The following SAMD4B variants were observed in gnomAD, a reference collection of about 807,000 sequenced individuals.
SAMD4B encodes the protein protein Smaug homolog 2.
SAMD4B carries 5 observed loss-of-function variants against 74.5 expected under a neutral mutation model. The ratio of observed to expected loss-of-function variants is 0.07; its 90% confidence interval spans 0.04 to 0.14. SAMD4B has a LOEUF of 0.14. SAMD4B is among the 10% of genes least tolerant of loss of function. The pLI is 1.00. For synonymous variants in SAMD4B, 373 were observed against 374.9 expected, an observed-to-expected ratio of 1.00 and a Z score of 0.06; for missense variants, 608 against 921.8, an observed-to-expected ratio of 0.66 and a Z score of 4.41.
Position 39,342,476 on chromosome 19 carries a change from C to A in SAMD4B, c.-367C>A, listed in dbSNP as rs2075357117. The stretch of plus-strand genomic sequence containing the variant: ...GCGGCGGCGGCGGCGGTGGTCGGTG[C>A]GGGAGGAGGGAGGGGAGCTTGCGGG... On this transcript the variant is annotated 5_prime_UTR_variant, in exon 1 of 14. Coordinates refer to ENST00000610417, the MANE Select transcript of SAMD4B (RefSeq NM_001384574.2). The A allele has an allele frequency of 5.6e-6, 1 of 179,494 alleles. No individual in the cohort carries two copies. Among genetic ancestry groups the A allele is most frequent in the Non-Finnish European group, 1.1e-5 (1 of 90,152 alleles). 11.1% of individuals were successfully genotyped at this position (179,494 alleles called of 1,614,324 possible).
At chr19:39,359,845 C>T (rs1282716376) in intron 3 of SAMD4B, 1 of 152,136 alleles carries the variant, frequency 6.6e-6, no homozygotes, top group Non-Finnish European at 1.5e-5. Flanking sequence ...GGATGAACTC[C>T]TCAGATTCTG....
intron 10 of SAMD4B, 126 bp from the exon 11 acceptor site, chr19:39,380,461 G>T: frequency 9.8e-7 from 1 of 1,024,250 alleles, no homozygotes; most frequent in South Asian, 1.3e-5. Context: ...GGCAGATGAG[G>T]ACAGAATGTG....
At chr19:39,366,174 G>T (rs1252810883) in intron 3 of SAMD4B, among the ~76,000 whole-genome samples, 2 of 152,128 alleles carry the variant, frequency 1.3e-5, no homozygotes, top group African/African-American at 4.8e-5. Context: ...AAATTAGCCG[G>T]GTGTCATGGT....
In SAMD4B at chr19:39,376,428, T is replaced by C. The variant is rs1387797500; in HGVS notation, c.908-9T>C. On this transcript the variant is annotated splice_polypyrimidine_tract_variant and intron_variant, in intron 5 of 13. Coordinates refer to ENST00000610417, the MANE Select transcript of SAMD4B (RefSeq NM_001384574.2). ...CTCCTGACCTTTCACTCTCCCTCCT[T>C]TGCCAAAGATGTGCCCTCATGGCTC... 2.5e-6 allele frequency: 4 copies of C among 1,607,116 alleles called. No homozygotes were observed. The African/African-American group carries it at 5.3e-5, about 21-fold the overall frequency.
Position 39,383,309 on chromosome 19 carries a change from C to T in SAMD4B, c.2056+18C>T. 1 of 1,612,478 alleles carries T rather than the reference C, an allele frequency of 6.2e-7. No individual in the cohort carries two copies. Among genetic ancestry groups the T allele is most frequent in the Non-Finnish European group, 8.5e-7 (1 of 1,178,500 alleles). On this transcript the variant is annotated intron_variant, in intron 13 of 13. Coordinates refer to ENST00000610417, the MANE Select transcript of SAMD4B (RefSeq NM_001384574.2). This position sits in a 1 kb window ranked among gnomAD's most constrained non-coding sequence, Gnocchi z 4.1. ...CTTGGGTGGTGAGCATTTCCTCTTT[C>T]CCTGACCCAGCTCCCACCTACCCAG...
chr19:39,355,779 G>T (rs1297688727), intron 2 of SAMD4B, among the ~76,000 whole-genome samples: 3 of 152,198 alleles, frequency 2.0e-5, no homozygotes, highest in Non-Finnish European at 2.9e-5. Context: ...TTTGTAGCTT[G>T]TGAGTTTTTG....
At chr19:39,386,942 T>A (rs2078264918), downstream of SAMD4B, 6 of 642,236 alleles carry the variant, frequency 9.3e-6, no homozygotes, top group Non-Finnish European at 1.7e-5. This position sits in a 1 kb window ranked among gnomAD's most constrained non-coding sequence, Gnocchi z 6.1. Flanking sequence ...ACAGATTGAA[T>A]AAGGGCAGCT....
intron 1 of SAMD4B, among the ~76,000 whole-genome samples, chr19:39,344,025 A>G (rs1434585796): frequency 9.3e-6 from 1 of 107,882 alleles, no homozygotes; most frequent in East Asian, 3.4e-4. Context: ...GACCCCAGCG[A>G]CCCCCTGGAG....
At chr19:39,388,316 T>A (rs2078298375), downstream of SAMD4B, 1 of 1,613,622 alleles carries the variant, frequency 6.2e-7, no homozygotes, top group Admixed American at 1.7e-5. Flanking sequence ...TCCAGGCTAA[T>A]CAGATAGGAG....
At chr19:39,372,786 A>G (rs2077384010) in intron 4 of SAMD4B, among the ~76,000 whole-genome samples, 1 of 151,812 alleles carries the variant, frequency 6.6e-6, no homozygotes, top group African/African-American at 2.4e-5. Context: ...GAAGGAGGCC[A>G]GAGACACCAA....
Position 39,378,417 on chromosome 19 carries a change from C to T in SAMD4B, c.1445-87C>T. On this transcript the variant is annotated intron_variant, in intron 8 of 13. Transcript: ENST00000610417. The surrounding 1 kb of genome is among the most constrained non-coding windows in gnomAD (Gnocchi z 4.4). ...TTCATCCAGCCTGAGTCTCCTGTTC[C>T]TTCTTGTGCACGAGCCAGCTGGAGG... The T allele has an allele frequency of 8.4e-7, 1 of 1,184,028 alleles. No homozygotes were observed. Among genetic ancestry groups the T allele is most frequent in the Non-Finnish European group, 1.3e-6 (1 of 797,314 alleles). 73.3% of individuals were successfully genotyped at this position (1,184,028 alleles called of 1,614,324 possible).
chr19:39,356,725 C>G lies in SAMD4B; in HGVS notation c.-169C>G, dbSNP rs1037011157. On this transcript the variant is annotated 5_prime_UTR_variant, in exon 3 of 14. Transcript: ENST00000610417. ...GGCGTGGCTGGACCAAGACCTCCCCCCATGTGAGCAGGCTTCCTCCTCCCC... is the reference window on the plus strand; with the variant it reads ...GGCGTGGCTGGACCAAGACCTCCCCGCATGTGAGCAGGCTTCCTCCTCCCC... 191 of 571,358 alleles carry G rather than the reference C, an allele frequency of 3.3e-4. 2 individuals carry two copies. Among genetic ancestry groups the G allele is most frequent in the South Asian group, 2.3e-3 (95 of 41,054 alleles). 35.4% of individuals were successfully genotyped at this position (571,358 alleles called of 1,614,324 possible). A position where few individuals can be genotyped will look rare whatever the true frequency, so the allele number is the denominator to read the frequency against.
chr19:39,385,295 C>A lies in SAMD4B; in HGVS notation c.*1768C>A. 2.7e-6 allele frequency: 1 copy of A among 371,612 alleles called. No homozygotes were observed. The highest frequency in any genetic ancestry group is 4.8e-6 in the Non-Finnish European group (1 of 209,588). 23.0% of individuals were successfully genotyped at this position (371,612 alleles called of 1,614,324 possible). ...CTCGTTTGGAATCAGCAGGGTGTCC[C>A]TCTCATGGGACCCTCCCCTCTCCCC... On this transcript the variant is annotated 3_prime_UTR_variant, in exon 14 of 14. Coordinates refer to ENST00000610417, the MANE Select transcript of SAMD4B (RefSeq NM_001384574.2).
intron 10 of SAMD4B, among the ~76,000 whole-genome samples, chr19:39,380,365 G>A (rs1385310695): frequency 6.6e-6 from 1 of 152,184 alleles, no homozygotes; most frequent in Non-Finnish European, 1.5e-5. Flanking sequence ...TGTCTCCTTT[G>A]AGAATTGAAG....
chr19:39,380,923 C>T (rs2077938222), intron 11 of SAMD4B, 67 bp from the exon 12 acceptor site: 1 of 1,547,626 alleles, frequency 6.5e-7, no homozygotes. Context: ...CCTGTACCAC[C>T]TCCACCACTC....
chr19:39,356,996 C>A lies in SAMD4B; in HGVS notation c.103C>A (p.Arg35Ser). 6.2e-7 allele frequency: 1 copy of A among 1,614,022 alleles called. No homozygotes were observed. The highest frequency in any genetic ancestry group is 8.5e-7 in the Non-Finnish European group (1 of 1,179,982). Residue 35 changes from arginine (R) to serine (S), a missense_variant, in exon 3 of 14, where the codon CGT becomes AGT. Physicochemically the swap from Arg to Ser is moderately radical, Grantham distance 110. This residue lies in a region of SAMD4B where 74 missense variants were observed against 182.0 expected (regional missense o/e 0.41). Coordinates refer to ENST00000610417, the MANE Select transcript of SAMD4B (RefSeq NM_001384574.2). ...ALLSLLKRVT[R>S]TQARFLQLCL... is the part of the protein sequence containing the mutation. ...CCTGTCACTTCTGAAACGGGTCACC[C>A]GTACCCAGGCCCGCTTCCTGCAGCT...
At chr19:39,390,104 G>A (rs2078342831), downstream of SAMD4B, 1 of 1,613,938 alleles carries the variant, frequency 6.2e-7, no homozygotes, top group African/African-American at 1.3e-5. Flanking sequence ...TGAACTTGGG[G>A]TCGAAGGGGA....
At chr19:39,355,351 G>C (rs1478709552) in intron 2 of SAMD4B, among the ~76,000 whole-genome samples, 1 of 152,202 alleles carries the variant, frequency 6.6e-6, no homozygotes, top group Non-Finnish European at 1.5e-5. Context: ...AACCAGGCCA[G>C]TTCAGTCTGT....
chr19:39,348,037 G>A lies in SAMD4B; in HGVS notation c.-267+5461G>A, dbSNP rs1020943581. On this transcript the variant is annotated intron_variant, in intron 1 of 13. Coordinates refer to ENST00000610417, the MANE Select transcript of SAMD4B (RefSeq NM_001384574.2). ...GTAGTAGACAGGGGGATCAGAAGAG[G>A]CCTCTTTTGGGAGGTGACAGTTGAG... 5.3e-5 allele frequency among the ~76,000 whole-genome samples: 8 copies of A among 152,284 alleles called. No individual in the cohort carries two copies. The East Asian group carries it at 1.4e-3, about 26-fold the overall frequency.
Sources: allele counts gnomAD v4.1 joint callset (sites outside exome capture counted in the v4.1 genomes callset), GRCh38; gene constraint gnomAD v4.1.1; regional missense constraint gnomAD v4.1.1; non-coding constraint Gnocchi (gnomAD v3.1); transcripts MANE v1.5; gene names NCBI Gene and HGNC (gene_info 2026-07-23, HGNC 2026-07-21).